SCNN1A: variants seen among roughly 807,000 people sequenced by gnomAD.
SCNN1A encodes the protein epithelial sodium channel subunit alpha.
In SCNN1A, 65 loss-of-function variants were observed where a neutral mutation model predicts 68.6. That is an observed-to-expected ratio of 0.95 (90% CI 0.78 to 1.16). The LOEUF is 1.16. SCNN1A is among the 50% of genes most tolerant of loss of function. The probability of loss-of-function intolerance (pLI) is 0.00; values close to 1 mark genes in which losing one functional copy is unlikely to be tolerated. For missense variants in SCNN1A, 880 were observed against 865.9 expected (o/e 1.02, Z -0.20); for synonymous variants, 357 against 353.3 (o/e 1.01, Z -0.12).
intron 4 of SCNN1A, among the ~76,000 whole-genome samples, chr12:6,357,363 C>T (rs1948514127): frequency 6.6e-6 from 1 of 151,988 alleles, no homozygotes. Context: ...CAGTTGAAGT[C>T]AGAAGTTTGA....
At chr12:6,354,398 G>C (rs757171863) in intron 8 of SCNN1A, 40 bp downstream of exon 8, 1 of 1,360,168 alleles carries the variant, frequency 7.4e-7, no homozygotes, top group East Asian at 2.3e-5. Context: ...AGTGAGTACT[G>C]GGGTCAGTGG....
chr12:6,348,673 C>T (rs754695477), intron 12 of SCNN1A, 54 bp downstream of exon 12: 15 of 1,485,576 alleles, frequency 1.0e-5, no homozygotes, highest in African/African-American at 2.8e-5. Flanking sequence ...CCGACAGCCG[C>T]CCTGCTAAGT....
intron 5 of SCNN1A, 78 bp downstream of exon 5, chr12:6,355,699 C>T: frequency 1.9e-6 from 2 of 1,069,660 alleles, no homozygotes; most frequent in South Asian, 2.5e-5. Context: ...CCCAGCAGCT[C>T]TAGGAGGTGA....
At chr12:6,362,305 A>C (rs1224321426) in intron 3 of SCNN1A, 64 bp from the exon 4 acceptor site, 1 of 1,423,902 alleles carries the variant, frequency 7.0e-7, no homozygotes, top group East Asian at 2.3e-5. Context: ...GGCAGGGCCA[A>C]GGGCAAAGAA....
chr12:6,353,843 C>G (rs981492769), intron 8 of SCNN1A: 1 of 148,996 alleles, frequency 6.7e-6, no homozygotes, highest in South Asian at 2.2e-4. Context: ...CCCGCCGTGG[C>G]CTCCCAAAGT....
At chr12:6,375,086 T>C in intron 1 of SCNN1A, 1 of 1,519,414 alleles carries the variant, frequency 6.6e-7, no homozygotes, top group Non-Finnish European at 8.8e-7. Flanking sequence ...GCCTCTCCTC[T>C]GCTTCCCTGA....
Position 6,355,825 on chromosome 12 carries a change from T to C in SCNN1A, c.931A>G (p.Lys311Glu). 1 of 1,613,900 alleles carries C rather than the reference T, an allele frequency of 6.2e-7. No homozygotes were observed. Residue 311 changes from lysine to glutamate, a missense_variant, in exon 5 of 13, where the codon AAG becomes GAG. Lys to Glu is a moderately conservative substitution (Grantham distance 56). Transcript: ENST00000228916. ...MYGNCYTFND[K>E]NNSNLWMSSM... is the part of the protein sequence containing the mutation. The stretch of plus-strand genomic sequence containing the variant: ...GACATCCAGAGGTTGGAGTTGTTCT[T>C]GTCATTGAAAGTATAGCAGTTTCCA...
At chr12:6,371,245 C>T (rs962535479) in intron 2 of SCNN1A, among the ~76,000 whole-genome samples, 3 of 151,920 alleles carry the variant, frequency 2.0e-5, no homozygotes, top group South Asian at 2.1e-4. Flanking sequence ...ACTGCGCTCC[C>T]GGTGATTCAC....
rs147006745 is a variant in SCNN1A, at chr12:6,351,070, C to T, written c.1361-1665G>A. Among the ~76,000 whole-genome samples the T allele has an allele frequency of 6.0e-4, 91 of 152,204 alleles. No individual in the cohort carries two copies. Among genetic ancestry groups the T allele is most frequent in the Non-Finnish European group, 9.6e-4 (65 of 68,016 alleles). ...TATACCCAAGAAAATGGAAAACATGCGTCCACACAAAAACTTGTACACAAA... is the reference window on the plus strand; with the variant it reads ...TATACCCAAGAAAATGGAAAACATGTGTCCACACAAAAACTTGTACACAAA... On this transcript the variant is annotated intron_variant, in intron 8 of 12. Transcript: ENST00000228916. The surrounding 1 kb of genome is among the most constrained non-coding windows in gnomAD (Gnocchi z 4.2).
intron 2 of SCNN1A, among the ~76,000 whole-genome samples, chr12:6,370,585 T>C (rs994379779): frequency 6.6e-6 from 1 of 152,332 alleles, no homozygotes; most frequent in South Asian, 2.1e-4. Flanking sequence ...CCAACCACCA[T>C]GGCAGGGTTA....
Position 6,354,918 on chromosome 12 carries a change from G to T in SCNN1A, c.1144-70C>A. The T allele has an allele frequency of 5.5e-6, 7 of 1,279,746 alleles. No homozygotes were observed. The South Asian group carries it at 8.3e-5, about 15-fold the overall frequency. The allele number at this position is 1,279,746 out of a possible 1,614,324, so 79.3% of individuals were successfully genotyped here. A position where few individuals can be genotyped will look rare whatever the true frequency, so the allele number is the denominator to read the frequency against. ...CCTCTGGGTTCTCTGCCTTCCCTCA[G>T]TTCCAGGTTGTATCTCACACCTGCC... On this transcript the variant is annotated intron_variant, in intron 6 of 12. Transcript: ENST00000228916.
chr12:6,357,935 T>A (rs998361746), intron 4 of SCNN1A, among the ~76,000 whole-genome samples: 1 of 152,046 alleles, frequency 6.6e-6, no homozygotes, highest in African/African-American at 2.4e-5. Context: ...GAGGTGGAGG[T>A]TGTCATGAGC....
intron 4 of SCNN1A, among the ~76,000 whole-genome samples, chr12:6,360,789 C>T (rs1023263219): frequency 2.0e-5 from 3 of 152,176 alleles, no homozygotes; most frequent in Non-Finnish European, 2.9e-5. Context: ...GGACCCCCCC[C>T]TCGCCTCAGC....
rs929296616 is a variant in SCNN1A, at chr12:6,351,807, T to G, written c.1361-2402A>C. On this transcript the variant is annotated intron_variant, in intron 8 of 12. Coordinates refer to ENST00000228916, the MANE Select transcript of SCNN1A (RefSeq NM_001038.6). This position sits in a 1 kb window ranked among gnomAD's most constrained non-coding sequence, Gnocchi z 4.2. ...CAGGGTCTCACTCCATTGCCCAGGC[T>G]GGAGTGCAGTGGCCTGATCATGGCT... Among the ~76,000 whole-genome samples the G allele has an allele frequency of 2.6e-5, 4 of 152,098 alleles. No individual in the cohort carries two copies. Among genetic ancestry groups the G allele is most frequent in the Admixed American group, 2.6e-4 (4 of 15,256 alleles).
At chr12:6,352,278 C>T (rs1345880654) in intron 8 of SCNN1A, among the ~76,000 whole-genome samples, 1 of 152,106 alleles carries the variant, frequency 6.6e-6, no homozygotes, top group Non-Finnish European at 1.5e-5. Flanking sequence ...TCACCTCCTC[C>T]CCTATTTCCC....
intron 2 of SCNN1A, among the ~76,000 whole-genome samples, chr12:6,371,534 G>A (rs1235750552): frequency 7.7e-6 from 1 of 130,424 alleles, no homozygotes; most frequent in Non-Finnish European, 1.7e-5. Flanking sequence ...GGGGGGGCGG[G>A]GGGTGGGGGT....
At chr12:6,375,037 T>C in intron 1 of SCNN1A, 200 bp from the exon 2 acceptor site, 1 of 1,539,354 alleles carries the variant, frequency 6.5e-7, no homozygotes. Context: ...CCTGCGGGAG[T>C]TGGGGCCAAA....
In SCNN1A at chr12:6,347,797, C is replaced by G; in HGVS notation, c.*76G>C. 1 of 1,297,924 alleles carries G rather than the reference C, an allele frequency of 7.7e-7. No homozygotes were observed. The highest frequency in any genetic ancestry group is 1.1e-6 in the Non-Finnish European group (1 of 912,488). The allele number at this position is 1,297,924 out of a possible 1,614,324, so 80.4% of individuals were successfully genotyped here. A position where few individuals can be genotyped will look rare whatever the true frequency, so the allele number is the denominator to read the frequency against. ...GGCTCTGAGAGGAAGCCCTGCACAT[C>G]CTTCAATCTTGCCAGGGCCAGCACC... On this transcript the variant is annotated 3_prime_UTR_variant, in exon 13 of 13. Transcript: ENST00000228916.
chr12:6,355,458 G>A (rs1948479705), intron 5 of SCNN1A, 23 bp from the exon 6 acceptor site: 1 of 1,612,946 alleles, frequency 6.2e-7, no homozygotes, highest in Non-Finnish European at 8.5e-7. Flanking sequence ...AGAGAGCAGA[G>A]TTGGCAGAGG....
Sources: allele counts gnomAD v4.1 joint callset (sites outside exome capture counted in the v4.1 genomes callset), GRCh38; gene constraint gnomAD v4.1.1; non-coding constraint Gnocchi (gnomAD v3.1); transcripts MANE v1.5; gene names NCBI Gene and HGNC (gene_info 2026-07-23, HGNC 2026-07-21).